Variants in EEA1 observed in about 807,000 individuals in gnomAD.
EEA1 encodes early endosome antigen 1, 162kD.
In EEA1, 111 loss-of-function variants were observed where a neutral mutation model predicts 209.2. The observed-to-expected ratio is 0.53, with a 90% CI of 0.45 to 0.62. The LOEUF is 0.62. EEA1 is among the 20% of genes least tolerant of loss of function. EEA1 has a pLI of 0.00. For missense variants in EEA1, 1,343 were observed against 1,530.8 expected, an observed-to-expected ratio of 0.88 and a Z score of 2.05; for synonymous variants, 536 against 540.6, an observed-to-expected ratio of 0.99 and a Z score of 0.12.
chr12:92,848,488 C>CA (rs939975700), intron 9 of EEA1, among the ~76,000 whole-genome samples: 3 of 151,706 alleles, frequency 2.0e-5, no homozygotes, highest in Non-Finnish European at 2.9e-5. Context: ...TAAAGAAAAA[C>CA]AAAAAAACTC....
rs192945044 is a variant in EEA1 at position 92,808,283 on chromosome 12, T to C, written c.2339+734A>G. Among the ~76,000 whole-genome samples the C allele has an allele frequency of 5.7e-3, 865 of 152,244 alleles. 29 individuals carry two copies. Among genetic ancestry groups the C allele is most frequent in the Admixed American group, 0.05 (772 of 15,298 alleles). On this transcript the variant is annotated intron_variant, in intron 18 of 28. Coordinates refer to ENST00000322349, the MANE Select transcript of EEA1 (RefSeq NM_003566.4). ...CCTGGAGTGATGACAATGTCCTATA[T>C]GGTGCTGTGGCTAGATCCACAGATA...
At chr12:92,797,853 C>T (rs933238336) in intron 21 of EEA1, among the ~76,000 whole-genome samples, 1 of 152,156 alleles carries the variant, frequency 6.6e-6, no homozygotes, top group Admixed American at 6.5e-5. Context: ...CAGTGGTCAA[C>T]ATAAAATGTG....
At chr12:92,809,227 C>T (rs148610802) in intron 17 of EEA1, 71 bp from the exon 18 acceptor site, 12,939 of 1,200,882 alleles carry the variant, frequency 0.011, 94 homozygotes, top group Non-Finnish European at 0.013. Flanking sequence ...AATACTATAA[C>T]ATTTTTGTTT....
Position 92,869,597 on chromosome 12 carries a change from A to G in EEA1, c.118-4610T>C, listed in dbSNP as rs1320953327. Among the ~76,000 whole-genome samples, 3 of 150,248 alleles carry G rather than the reference A, an allele frequency of 2.0e-5. No homozygotes were observed. In the South Asian group the frequency reaches 6.3e-4, roughly 32 times the overall value. Reference sequence around the variant, plus strand: ...CATCTCTACTTAAAAAAAAAAAAAAATACAAAAAATTAGCTGGGCATGCTG... The same window carrying G: ...CATCTCTACTTAAAAAAAAAAAAAAGTACAAAAAATTAGCTGGGCATGCTG... On this transcript the variant is annotated intron_variant, in intron 2 of 28. Transcript: ENST00000322349.
intron 22 of EEA1, 70 bp downstream of exon 22, chr12:92,787,797 T>C: frequency 8.2e-7 from 1 of 1,221,042 alleles, no homozygotes; most frequent in Non-Finnish European, 1.1e-6. Context: ...CCATTTGGAT[T>C]CAAATAGATC....
At chr12:92,841,458 A>T (rs538858547) in intron 10 of EEA1, among the ~76,000 whole-genome samples, 1 of 152,330 alleles carries the variant, frequency 6.6e-6, no homozygotes, top group East Asian at 1.9e-4. Flanking sequence ...GAAAGTAGAT[A>T]AATTAGACTA....
intron 11 of EEA1, among the ~76,000 whole-genome samples, chr12:92,831,117 T>G (rs1389816070): frequency 6.6e-6 from 1 of 152,172 alleles, no homozygotes; most frequent in Non-Finnish European, 1.5e-5. Flanking sequence ...ATTACTAACA[T>G]AATCATGATT....
At chr12:92,855,385 G>C (rs11611447) in intron 5 of EEA1, among the ~76,000 whole-genome samples, 166 of 150,590 alleles carry the variant, frequency 1.1e-3, no homozygotes, top group Middle Eastern at 7.0e-3. Context: ...AGCCGAGATC[G>C]CGCGCCACTG....
chr12:92,796,698 C>T (rs1459392495), intron 21 of EEA1, among the ~76,000 whole-genome samples: 1 of 152,098 alleles, frequency 6.6e-6, no homozygotes, highest in Non-Finnish European at 1.5e-5. Flanking sequence ...TCACCATGGG[C>T]CAGTGACAAT....
intron 3 of EEA1, among the ~76,000 whole-genome samples, chr12:92,863,134 C>CA (rs1435992625): frequency 2.0e-5 from 3 of 152,208 alleles, no homozygotes; most frequent in Non-Finnish European, 4.4e-5. Flanking sequence ...TATGTCATCT[C>CA]AGAAGAGTAG....
chr12:92,892,737 G>A (rs1879703270), intron 1 of EEA1, among the ~76,000 whole-genome samples: 1 of 151,982 alleles, frequency 6.6e-6, no homozygotes, highest in African/African-American at 2.4e-5. Flanking sequence ...ACCATGTCCA[G>A]CTAATTTTTT....
At chr12:92,851,700 A>T (rs1995169) in intron 8 of EEA1, among the ~76,000 whole-genome samples, 2 of 152,132 alleles carry the variant, frequency 1.3e-5, no homozygotes, top group African/African-American at 4.8e-5. Context: ...TAAAGGAAAG[A>T]AAGTCAAGGA....
At chr12:92,910,559 T>G (rs1880544678) in intron 1 of EEA1, among the ~76,000 whole-genome samples, 1 of 151,810 alleles carries the variant, frequency 6.6e-6, no homozygotes, top group South Asian at 2.1e-4. Context: ...ATAGGAGAAA[T>G]TACTGTGGTT....
intron 1 of EEA1, among the ~76,000 whole-genome samples, chr12:92,908,028 A>C (rs1433855976): frequency 1.3e-5 from 2 of 152,176 alleles, no homozygotes; most frequent in African/African-American, 2.4e-5. Flanking sequence ...TTGCACACCA[A>C]TGTTCATAGC....
At position 92,776,072 on chromosome 12, in the gene EEA1, G is replaced by T; in HGVS notation, c.4175C>A (p.Thr1392Asn). 1 of 1,611,582 alleles carries T rather than the reference G, an allele frequency of 6.2e-7. No individual in the cohort carries two copies. The highest frequency in any genetic ancestry group is 8.5e-7 in the Non-Finnish European group (1 of 1,178,428). Reference protein sequence around the residue: ...CAECSAKNALTPSSKKPVRVC... With the variant: ...CAECSAKNALNPSSKKPVRVC... ...ACGAACAGGCTTCTTGGAGGAAGGA[G>T]TTAAGGCATTTTTGGCTGAACATTC... The change falls in exon 29 of 29, where the codon ACT (threonine) becomes AAT (asparagine). Residue 1392 changes from threonine (T) to asparagine (N), a missense_variant. Physicochemically the swap from Thr to Asn is moderately conservative, Grantham distance 65. This residue lies in a region of EEA1 where 28 missense variants were observed against 37.7 expected (regional missense o/e 0.74). Coordinates refer to ENST00000322349, the MANE Select transcript of EEA1 (RefSeq NM_003566.4).
Position 92,819,450 on chromosome 12 carries a change from T to C in EEA1, c.1586A>G (p.Glu529Gly), listed in dbSNP as rs758478275. 3 of 1,612,058 alleles carry C rather than the reference T, an allele frequency of 1.9e-6. No homozygotes were observed. The East Asian group carries it at 6.7e-5, about 36-fold the overall frequency. The change falls in exon 14 of 29, where the codon GAA becomes GGA. Residue 529 changes from glutamate (E) to glycine (G), a missense_variant. This residue lies in a region of EEA1 where 1,307 missense variants were observed against 1,465.5 expected (regional missense o/e 0.89). Transcript: ENST00000322349. ...TTCTTTACTCTTCTGTAATAAAGCT[T>C]CAAGGTTCTGGATCTTTTGGTCCTT... is the stretch of plus-strand genomic sequence containing the variant. ...GDKDQKIQNL[E>G]ALLQKSKENI...
At chr12:92,784,182 T>C (rs1874026938) in intron 22 of EEA1, among the ~76,000 whole-genome samples, 2 of 152,116 alleles carry the variant, frequency 1.3e-5, no homozygotes, top group South Asian at 4.2e-4. Flanking sequence ...TACAAGCTGG[T>C]CTTTGACTTA....
At chr12:92,885,842 G>C (rs1879357122) in intron 2 of EEA1, among the ~76,000 whole-genome samples, 1 of 152,204 alleles carries the variant, frequency 6.6e-6, no homozygotes, top group Non-Finnish European at 1.5e-5. Context: ...TTGTTCAAGT[G>C]TCGGCTGTAA....
Position 92,801,629 on chromosome 12 carries a change from GT to G in EEA1, c.2742del (p.Glu914AspfsTer2), listed in dbSNP as rs757147728. 6.3e-7 allele frequency: 1 copy of G among 1,591,190 alleles called. No individual in the cohort carries two copies. ...TTCTCTTTTTCAAGTGACTTTTTCA[GT>G]TCCTTCTGTTCCTTAAGTGTGTTTT... Reference protein sequence around the residue: ...QMENTLKEQKELKKSLEKEKE... With the variant: ...QMENTLKEQKXLKKSLEKEKE... On this transcript the variant is annotated frameshift_variant, in exon 20 of 29. Transcript: ENST00000322349. LOFTEE classifies it high-confidence loss of function.
Sources: gnomAD v4.1 joint callset for allele counts (sites outside exome capture counted in the v4.1 genomes callset) on GRCh38, gnomAD v4.1.1 for gene constraint, gnomAD v4.1.1 regional missense constraint, MANE v1.5 for transcripts, NCBI Gene and HGNC (gene_info 2026-07-23, HGNC 2026-07-21) for gene names.